Variants in APBA2 observed in about 807,000 individuals in gnomAD.
The protein encoded by APBA2 is amyloid-beta A4 precursor protein-binding family A member 2.
In APBA2, 30 loss-of-function variants were observed where a neutral mutation model predicts 75.0. The observed-to-expected ratio is 0.40, with a 90% CI of 0.30 to 0.54. The LOEUF is 0.54. Ranked by LOEUF, APBA2 falls within the 20% of genes least tolerant of loss-of-function variation. APBA2 has a pLI of 0.49. For synonymous variants in APBA2, 444 were observed against 409.6 expected (o/e 1.08, Z -1.01); for missense variants, 801 against 1,016.1 (o/e 0.79, Z 2.88).
intron 6 of APBA2, among the ~76,000 whole-genome samples, chr15:29,076,721 G>A (rs1482462384): frequency 1.3e-5 from 2 of 152,100 alleles, no homozygotes; most frequent in Non-Finnish European, 1.5e-5. Flanking sequence ...TTGCCAGGAG[G>A]ATGTTTCCTG....
intron 2 of APBA2, among the ~76,000 whole-genome samples, chr15:28,963,789 C>G (rs1203565500): frequency 6.6e-6 from 1 of 152,186 alleles, no homozygotes; most frequent in Non-Finnish European, 1.5e-5. Context: ...AGCCCCGCTT[C>G]AATGTTAACA....
chr15:28,962,620 C>A (rs1451274107), intron 2 of APBA2, among the ~76,000 whole-genome samples: 1 of 151,514 alleles, frequency 6.6e-6, no homozygotes, highest in Admixed American at 6.6e-5. Flanking sequence ...GCCATGTTGC[C>A]CAGGCTTGTC....
intron 9 of APBA2, among the ~76,000 whole-genome samples, chr15:29,099,713 C>A (rs2044023974): frequency 6.6e-6 from 1 of 152,210 alleles, no homozygotes; most frequent in Non-Finnish European, 1.5e-5. Context: ...AGCTGCTAGG[C>A]CTGCCCCAGT....
At chr15:28,901,119 T>C (rs1181190357) in intron 1 of APBA2, among the ~76,000 whole-genome samples, 1 of 152,202 alleles carries the variant, frequency 6.6e-6, no homozygotes, top group African/African-American at 2.4e-5. Context: ...GCTGGTGTCA[T>C]GTGATGCGGT....
chr15:29,036,148 C>T (rs918509180), intron 3 of APBA2, among the ~76,000 whole-genome samples: 1 of 152,176 alleles, frequency 6.6e-6, no homozygotes, highest in East Asian at 1.9e-4. Flanking sequence ...CCCTCACCCC[C>T]CTATGCTTTC....
intron 2 of APBA2, among the ~76,000 whole-genome samples, chr15:28,939,420 G>T (rs2035061094): frequency 1.3e-5 from 2 of 152,070 alleles, no homozygotes; most frequent in Admixed American, 1.3e-4. Flanking sequence ...AAAATTTTTT[G>T]AAGTGCCATA....
chr15:29,058,011 G>A (rs1347401161), intron 4 of APBA2, among the ~76,000 whole-genome samples: 1 of 152,088 alleles, frequency 6.6e-6, no homozygotes, highest in African/African-American at 2.4e-5. Context: ...ACTTCCTGTT[G>A]CGTATGTCCT....
At chr15:28,894,785 G>A (rs1261247517) in intron 1 of APBA2, among the ~76,000 whole-genome samples, 5 of 152,046 alleles carry the variant, frequency 3.3e-5, no homozygotes, top group Admixed American at 6.6e-5. Flanking sequence ...AGGTCAGAGC[G>A]TGGGAGAAGG....
intron 4 of APBA2, among the ~76,000 whole-genome samples, chr15:29,058,944 G>A (rs2042018957): frequency 6.6e-6 from 1 of 152,204 alleles, no homozygotes; most frequent in Non-Finnish European, 1.5e-5. Flanking sequence ...GAGGTGTTGT[G>A]TAAACAAAGT....
At chr15:28,898,136 C>T (rs1343146228) in intron 1 of APBA2, among the ~76,000 whole-genome samples, 1 of 152,118 alleles carries the variant, frequency 6.6e-6, no homozygotes, top group East Asian at 1.9e-4. Context: ...GTGGCCCTGC[C>T]AACAGCTTGA....
At position 29,054,855 on chromosome 15, in the gene APBA2, G is replaced by C. The variant is rs1323300106; in HGVS notation, c.951+20G>C. ...GAGCAGGTAGGACCCTGGCTGTCCT[G>C]GGGAAGGGAGCAGAGGGGCCCGAGA... On this transcript the variant is annotated intron_variant, in intron 4 of 14. Transcript: ENST00000683413. The surrounding 1 kb of genome is among the most constrained non-coding windows in gnomAD (Gnocchi z 6.1). 6.3e-7 allele frequency: 1 copy of C among 1,589,922 alleles called. No homozygotes were observed. The highest frequency in any genetic ancestry group is 8.5e-7 in the Non-Finnish European group (1 of 1,175,182).
At chr15:29,091,780 G>C (rs1047720532) in intron 6 of APBA2, among the ~76,000 whole-genome samples, 1 of 152,180 alleles carries the variant, frequency 6.6e-6, no homozygotes, top group Admixed American at 6.5e-5. Flanking sequence ...TGGGTTAGAG[G>C]TGAGACCAGG....
At chr15:29,024,016 G>T (rs924021479) in intron 3 of APBA2, among the ~76,000 whole-genome samples, 4 of 150,690 alleles carry the variant, frequency 2.7e-5, no homozygotes, top group Admixed American at 2.0e-4. Context: ...CGATTCTTCT[G>T]CCTCAGCCTC....
At chr15:28,916,989 C>T (rs2033714566) in intron 1 of APBA2, among the ~76,000 whole-genome samples, 1 of 152,032 alleles carries the variant, frequency 6.6e-6, no homozygotes, top group South Asian at 2.1e-4. Flanking sequence ...AGGCTTCATT[C>T]TAAAGAAATA....
chr15:28,973,795 C>T (rs1378285363), intron 2 of APBA2, among the ~76,000 whole-genome samples: 2 of 152,168 alleles, frequency 1.3e-5, no homozygotes, highest in African/African-American at 4.8e-5. Context: ...AGAATCAGCT[C>T]ATTGATTGCC....
intron 4 of APBA2, among the ~76,000 whole-genome samples, chr15:29,074,298 T>A (rs973813052): frequency 6.6e-6 from 1 of 152,208 alleles, no homozygotes; most frequent in Admixed American, 6.5e-5. Flanking sequence ...CACAGTAGAA[T>A]GTGATTCAGC....
At chr15:28,945,206 G>A (rs1250969835) in intron 2 of APBA2, among the ~76,000 whole-genome samples, 1 of 152,178 alleles carries the variant, frequency 6.6e-6, no homozygotes, top group Non-Finnish European at 1.5e-5. Context: ...GAGGGAAGGA[G>A]ACTGGTAGAG....
At chr15:28,931,445 A>G (rs1271554209) in intron 2 of APBA2, among the ~76,000 whole-genome samples, 1 of 152,190 alleles carries the variant, frequency 6.6e-6, no homozygotes, top group Non-Finnish European at 1.5e-5. Context: ...CCCATCCCCT[A>G]GCAAAGTGGG....
intron 3 of APBA2, among the ~76,000 whole-genome samples, chr15:29,049,997 T>G (rs1449080765): frequency 6.6e-6 from 1 of 152,096 alleles, no homozygotes; most frequent in African/African-American, 2.4e-5. Context: ...GGGACTTGAT[T>G]CGGAAAGGGC....
Sources: gnomAD v4.1 joint callset for allele counts (sites outside exome capture counted in the v4.1 genomes callset) on GRCh38, gnomAD v4.1.1 for gene constraint, Gnocchi (gnomAD v3.1) non-coding constraint, MANE v1.5 for transcripts, NCBI Gene and HGNC (gene_info 2026-07-23, HGNC 2026-07-21) for gene names.